Variants in NTM observed in about 807,000 individuals in gnomAD.
The protein encoded by NTM is IgLON family member 2.
Under a neutral mutation model 42.1 loss-of-function variants are expected in NTM, and 13 were observed. The ratio of observed to expected loss-of-function variants is 0.31; its 90% confidence interval spans 0.20 to 0.49. The LOEUF (loss-of-function observed/expected upper bound fraction) is 0.49, where lower values mean the gene tolerates loss of function less well. Ranked by LOEUF, NTM falls within the 20% of genes least tolerant of loss-of-function variation. NTM has a pLI of 0.99. For missense variants in NTM, 373 were observed against 452.8 expected (o/e 0.82, Z 1.60); for synonymous variants, 187 against 179.2 (o/e 1.04, Z -0.35).
At chr11:131,791,486 CCTAA>C (rs2090930770) in intron 1 of NTM, among the ~76,000 whole-genome samples, 1 of 152,142 alleles carries the variant, frequency 6.6e-6, no homozygotes, top group African/African-American at 2.4e-5. Flanking sequence ...TATAAATTTT[CCTAA>C]CTGAATACAA....
chr11:131,373,938 G>A (rs1376214224), intron 1 of NTM, among the ~76,000 whole-genome samples: 4 of 152,200 alleles, frequency 2.6e-5, no homozygotes, highest in Non-Finnish European at 1.5e-5. Context: ...GGAGGTGGGC[G>A]GTGGGCGCCG....
chr11:131,634,393 C>T (rs1223347979), intron 1 of NTM, among the ~76,000 whole-genome samples: 3 of 105,294 alleles, frequency 2.8e-5, no homozygotes, highest in South Asian at 5.8e-4. Context: ...TTTCAAGCCC[C>T]CTGGAAAAAA....
chr11:131,455,645 C>T (rs1950824649), intron 1 of NTM, among the ~76,000 whole-genome samples: 2 of 152,080 alleles, frequency 1.3e-5, no homozygotes, highest in African/African-American at 4.8e-5. Context: ...GAGGTCTGAG[C>T]CCAGGGCTGG....
intron 1 of NTM, among the ~76,000 whole-genome samples, chr11:131,461,133 TGA>T (rs1266538934): frequency 1.3e-5 from 2 of 152,216 alleles, no homozygotes; most frequent in African/African-American, 4.8e-5. Flanking sequence ...GCTCTACATC[TGA>T]GAGAGGGATT....
intron 2 of NTM, among the ~76,000 whole-genome samples, chr11:132,118,209 C>A (rs753355304): frequency 2.0e-5 from 3 of 151,334 alleles, no homozygotes; most frequent in Non-Finnish European, 2.9e-5. Flanking sequence ...TTTTTTTTAA[C>A]TTCCCTATTC....
chr11:131,464,429 C>T (rs1177957154), intron 1 of NTM, among the ~76,000 whole-genome samples: 6 of 152,064 alleles, frequency 3.9e-5, no homozygotes, highest in Non-Finnish European at 8.8e-5. Context: ...CTCTGGCAGC[C>T]GTCTCTAACC....
intron 3 of NTM, among the ~76,000 whole-genome samples, chr11:132,155,403 C>CT (rs1252419422): frequency 1.3e-5 from 2 of 152,156 alleles, no homozygotes; most frequent in Non-Finnish European, 2.9e-5. Context: ...ATCCATTTGT[C>CT]TTTTTCTGTC....
intron 1 of NTM, among the ~76,000 whole-genome samples, chr11:131,754,138 G>C (rs1337914904): frequency 8.3e-6 from 1 of 120,018 alleles, no homozygotes; most frequent in Non-Finnish European, 1.7e-5. Context: ...GTTGTGGGGT[G>C]GGGGGAGGGG....
At chr11:132,162,085 G>A (rs1386382744) in intron 3 of NTM, among the ~76,000 whole-genome samples, 2 of 152,166 alleles carry the variant, frequency 1.3e-5, no homozygotes, top group East Asian at 3.9e-4. Context: ...TGTAAAGTGC[G>A]TGGGTCTGGG....
At chr11:131,698,477 C>A (rs2075721048) in intron 1 of NTM, among the ~76,000 whole-genome samples, 1 of 152,178 alleles carries the variant, frequency 6.6e-6, no homozygotes, top group African/African-American at 2.4e-5. Context: ...TGCCTCATTT[C>A]ACCCGCATAA....
intron 1 of NTM, among the ~76,000 whole-genome samples, chr11:131,780,255 G>T (rs185079230): frequency 6.6e-6 from 1 of 152,146 alleles, no homozygotes; most frequent in African/African-American, 2.4e-5. Context: ...AGAGAGCCAC[G>T]CAGGGACAGC....
Position 132,336,767 on chromosome 11 carries a change from G to A in NTM, c.*1621G>A, listed in dbSNP as rs915839569. ...GAGGGAAAGGGGGATTGGGGGATCC[G>A]GGAGGGTGGGGTTGTCTCTGACTTG... is the stretch of plus-strand genomic sequence containing the variant. On this transcript the variant is annotated 3_prime_UTR_variant, in exon 9 of 9. Transcript: ENST00000683400. The A allele has an allele frequency of 3.3e-5, 5 of 152,038 alleles. No individual in the cohort carries two copies. The highest frequency in any genetic ancestry group is 2.1e-4 in the South Asian group (1 of 4,810). The allele number at this position is 152,038 out of a possible 1,614,324, so 9.4% of individuals were successfully genotyped here.
chr11:132,087,608 G>T (rs1286529164), intron 2 of NTM, among the ~76,000 whole-genome samples: 1 of 152,080 alleles, frequency 6.6e-6, no homozygotes, highest in East Asian at 1.9e-4. Context: ...TGTGGAATAG[G>T]GTCCTTCTCA....
At chr11:131,456,716 C>A (rs939336896) in intron 1 of NTM, among the ~76,000 whole-genome samples, 1 of 152,196 alleles carries the variant, frequency 6.6e-6, no homozygotes, top group South Asian at 2.1e-4. Context: ...CCTGTCTACT[C>A]GTAAGGGCTT....
chr11:131,856,448 C>T (rs1262103638), intron 1 of NTM, among the ~76,000 whole-genome samples: 1 of 152,156 alleles, frequency 6.6e-6, no homozygotes, highest in Non-Finnish European at 1.5e-5. Flanking sequence ...TATTCAGCAA[C>T]AATTTATTTT....
intron 1 of NTM, among the ~76,000 whole-genome samples, chr11:131,393,346 T>A (rs942059293): frequency 6.6e-6 from 1 of 152,146 alleles, no homozygotes; most frequent in African/African-American, 2.4e-5. Flanking sequence ...GACATAGTAG[T>A]AGAGAGACTT....
In NTM at chr11:131,401,828, A is replaced by ATATATGTG. The variant is rs1565465514; in HGVS notation, c.82+30945_82+30946insGTGTATAT. On this transcript the variant is annotated intron_variant, in intron 1 of 8. Transcript: ENST00000683400. ...TATATATATATATATATATATATATATATATATATATATATATATATATAT... is the reference window on the plus strand; with the variant it reads ...TATATATATATATATATATATATATATATATGTGTATATATATATATATATATATATAT... Among the ~76,000 whole-genome samples the ATATATGTG allele has an allele frequency of 1.9e-4, 10 of 53,378 alleles. 1 individual carries two copies. The highest frequency in any genetic ancestry group is 6.1e-4 in the African/African-American group (8 of 13,016). 35.0% of individuals were successfully genotyped at this position (53,378 alleles called of 152,430 possible).
intron 1 of NTM, among the ~76,000 whole-genome samples, chr11:131,715,123 T>A (rs1440650635): frequency 1.3e-5 from 2 of 152,228 alleles, no homozygotes; most frequent in African/African-American, 4.8e-5. Flanking sequence ...ATGTGGTTAT[T>A]AGATGGGGGC....
At chr11:131,674,860 G>A (rs2071086345) in intron 1 of NTM, among the ~76,000 whole-genome samples, 1 of 152,218 alleles carries the variant, frequency 6.6e-6, no homozygotes, top group African/African-American at 2.4e-5. Context: ...GGACCAAGAT[G>A]TGGGGCTCAT....
Sources: allele counts gnomAD v4.1 joint callset (sites outside exome capture counted in the v4.1 genomes callset), GRCh38; gene constraint gnomAD v4.1.1; transcripts MANE v1.5; gene names NCBI Gene and HGNC (gene_info 2026-07-23, HGNC 2026-07-21).